The following LRP1B variants were observed in gnomAD, a reference collection of about 807,000 sequenced individuals.
The protein encoded by LRP1B is LDL receptor related protein 1B, also known as low-density lipoprotein receptor-related protein 1B.
In LRP1B, 217 loss-of-function variants were observed where a neutral mutation model predicts 556.6. The ratio of observed to expected loss-of-function variants is 0.39; its 90% CI spans 0.35 to 0.44. The LOEUF is 0.44. LRP1B is among the 20% of genes least tolerant of loss of function. The probability of loss-of-function intolerance (pLI) is 1.00; values close to 1 mark genes in which losing one functional copy is unlikely to be tolerated. For synonymous variants in LRP1B, 2,047 were observed against 1,865.8 expected, an observed-to-expected ratio of 1.10 and a Z score of -2.50; for missense variants, 5,053 against 5,620.8, an observed-to-expected ratio of 0.90 and a Z score of 3.23.
intron 2 of LRP1B, among the ~76,000 whole-genome samples, chr2:141,716,974 G>T (rs980490512): frequency 5.3e-5 from 8 of 151,956 alleles, no homozygotes; most frequent in African/African-American, 1.7e-4. Flanking sequence ...TCCACAGGGG[G>T]GGGTCGCAAT....
In LRP1B at chr2:140,241,709, GT is replaced by G. The variant is rs1204213697; in HGVS notation, c.13325-2178del. Among the ~76,000 whole-genome samples the G allele has an allele frequency of 3.3e-5, 5 of 150,780 alleles. No homozygotes were observed. In the South Asian group the frequency reaches 1.0e-3, roughly 31 times the overall value. ...ATAATGCAGGGTAGAAGATTAGCAAGTTTTTTTAAAATTTTATAAAATAGTT... is the reference window on the plus strand; with the variant it reads ...ATAATGCAGGGTAGAAGATTAGCAAGTTTTTTAAAATTTTATAAAATAGTT... On this transcript the variant is annotated intron_variant, in intron 87 of 90. Transcript: ENST00000389484.
chr2:141,134,674 C>A (rs1701445767), intron 7 of LRP1B, among the ~76,000 whole-genome samples: 1 of 148,416 alleles, frequency 6.7e-6, no homozygotes, highest in African/African-American at 2.5e-5. Flanking sequence ...AAGTAAAGTA[C>A]AGATCATTAC....
chr2:141,720,140 C>T (rs1004206906), intron 2 of LRP1B, among the ~76,000 whole-genome samples: 1 of 152,084 alleles, frequency 6.6e-6, no homozygotes, highest in Admixed American at 6.5e-5. Flanking sequence ...TTTGGCATTA[C>T]CTCTATTAAA....
At position 141,370,136 on chromosome 2, in the gene LRP1B, T is replaced by C. The variant is rs1438367576; in HGVS notation, c.343+110260A>G. 5.9e-5 allele frequency among the ~76,000 whole-genome samples: 9 copies of C among 152,122 alleles called. No homozygotes were observed. In the South Asian group the frequency reaches 1.9e-3, roughly 32 times the overall value. On this transcript the variant is annotated intron_variant, in intron 3 of 90. Coordinates refer to ENST00000389484, the MANE Select transcript of LRP1B (RefSeq NM_018557.3). ...GCAGGTATCTTTTTGATGTAATTAT[T>C]TCTTTTCCTTGAGTATCTACTGGGT...
At chr2:141,125,664 A>G (rs1396540903) in intron 7 of LRP1B, among the ~76,000 whole-genome samples, 1 of 152,128 alleles carries the variant, frequency 6.6e-6, no homozygotes, top group African/African-American at 2.4e-5. Context: ...GCAATCCAGT[A>G]GTACTGTGTC....
chr2:141,606,087 T>G (rs759223863), intron 2 of LRP1B, among the ~76,000 whole-genome samples: 2 of 152,214 alleles, frequency 1.3e-5, no homozygotes, highest in Non-Finnish European at 2.9e-5. Flanking sequence ...CAAGAGATGC[T>G]TTTCTCATCT....
At chr2:141,937,560 C>T (rs796741227) in intron 1 of LRP1B, among the ~76,000 whole-genome samples, 6 of 151,252 alleles carry the variant, frequency 4.0e-5, no homozygotes, top group African/African-American at 9.7e-5. Context: ...ACCTGAAATC[C>T]CAACAGATGT....
chr2:141,378,726 T>G (rs1689527120), intron 3 of LRP1B, among the ~76,000 whole-genome samples: 1 of 152,186 alleles, frequency 6.6e-6, no homozygotes, highest in Non-Finnish European at 1.5e-5. Flanking sequence ...CAGATTTGAA[T>G]ATCAGAAGAA....
At chr2:141,305,512 A>G (rs1278517313) in intron 3 of LRP1B, among the ~76,000 whole-genome samples, 1 of 152,152 alleles carries the variant, frequency 6.6e-6, no homozygotes, top group Non-Finnish European at 1.5e-5. Flanking sequence ...GTTTTTGTCT[A>G]GACATAAGAT....
At chr2:141,374,472 A>G (rs538698699) in intron 3 of LRP1B, among the ~76,000 whole-genome samples, 7 of 152,252 alleles carry the variant, frequency 4.6e-5, no homozygotes, top group Non-Finnish European at 1.0e-4. Context: ...TAGCTTTTCT[A>G]AACTTTTTAA....
Position 140,627,992 on chromosome 2 carries a change from G to C in LRP1B, c.6800-26353C>G, listed in dbSNP as rs144582538. Among the ~76,000 whole-genome samples the C allele has an allele frequency of 9.2e-3, 1,408 of 152,284 alleles. 19 individuals are homozygous for C. The highest frequency in any genetic ancestry group is 0.016 in the Non-Finnish European group (1,073 of 68,018). The stretch of plus-strand genomic sequence containing the variant: ...CTCTCAGTAATGAGACTACTAATCT[G>C]AACAGTTGTTAAGCAACAGAAACAA... On this transcript the variant is annotated intron_variant, in intron 41 of 90. Transcript: ENST00000389484.
At chr2:140,400,433 G>T (rs1684443130) in intron 66 of LRP1B, among the ~76,000 whole-genome samples, 2 of 152,064 alleles carry the variant, frequency 1.3e-5, no homozygotes, top group South Asian at 4.1e-4. Context: ...CCTCTATTGG[G>T]TTTCTTCCTT....
At chr2:141,999,218 G>A (rs758324380) in intron 1 of LRP1B, among the ~76,000 whole-genome samples, 1 of 152,022 alleles carries the variant, frequency 6.6e-6, no homozygotes, top group Non-Finnish European at 1.5e-5. Flanking sequence ...AATGGGAGGA[G>A]AGTATAAGGA....
intron 1 of LRP1B, among the ~76,000 whole-genome samples, chr2:142,104,711 G>C (rs749356170): frequency 6.6e-5 from 10 of 152,202 alleles, no homozygotes; most frequent in Non-Finnish European, 1.2e-4. Context: ...TACTTTACTT[G>C]GGTCTCATTC....
intron 6 of LRP1B, among the ~76,000 whole-genome samples, chr2:141,205,606 C>T (rs1682241149): frequency 6.6e-6 from 1 of 152,142 alleles, no homozygotes; most frequent in African/African-American, 2.4e-5. Context: ...TAATGCACTC[C>T]TTTAAGTCCA....
chr2:140,247,839 T>G (rs1334142094), intron 86 of LRP1B, among the ~76,000 whole-genome samples: 1 of 151,680 alleles, frequency 6.6e-6, no homozygotes, highest in African/African-American at 2.4e-5. Flanking sequence ...AAAGTGCAAC[T>G]ATGAAATTAG....
At chr2:141,144,983 A>C (rs2105066188) in intron 7 of LRP1B, among the ~76,000 whole-genome samples, 1 of 152,338 alleles carries the variant, frequency 6.6e-6, no homozygotes, top group South Asian at 2.1e-4. Context: ...TAATATCTCC[A>C]AAATCATTAA....
chr2:140,758,197 T>C (rs888289557), intron 35 of LRP1B, among the ~76,000 whole-genome samples: 29 of 152,108 alleles, frequency 1.9e-4, no homozygotes, highest in African/African-American at 7.0e-4. Context: ...AAAAATTTTA[T>C]GCTAATCCAC....
intron 86 of LRP1B, among the ~76,000 whole-genome samples, chr2:140,247,827 A>T (rs1681234369): frequency 6.6e-6 from 1 of 151,700 alleles, no homozygotes; most frequent in Non-Finnish European, 1.5e-5. Context: ...TTATTTAAAC[A>T]TAAAGTGCAA....
Sources: allele counts gnomAD v4.1 joint callset (sites outside exome capture counted in the v4.1 genomes callset), GRCh38; gene constraint gnomAD v4.1.1; transcripts MANE v1.5; gene names NCBI Gene and HGNC (gene_info 2026-07-23, HGNC 2026-07-21).